The following PAK5 variants were observed in gnomAD, a reference collection of about 807,000 sequenced individuals.
The protein encoded by PAK5 is serine/threonine-protein kinase PAK 5.
In PAK5, 16 loss-of-function variants were observed where a neutral mutation model predicts 65.9. That is an observed-to-expected ratio of 0.24 (90% CI 0.16 to 0.37). The LOEUF is 0.37. Ranked by LOEUF, PAK5 falls within the 10% of genes least tolerant of loss-of-function variation. The pLI is 1.00. For synonymous variants in PAK5, 371 were observed against 354.9 expected (o/e 1.05, Z -0.51); for missense variants, 785 against 903.9 (o/e 0.87, Z 1.69).
chr20:9,568,743 G>C (rs2045725034), intron 4 of PAK5, among the ~76,000 whole-genome samples: 1 of 152,190 alleles, frequency 6.6e-6, no homozygotes, highest in Non-Finnish European at 1.5e-5. Flanking sequence ...AAAGCTGAAG[G>C]ATCACTTGAG....
chr20:9,572,151 C>T lies in PAK5; in HGVS notation c.991-5767G>A, dbSNP rs1030662900. Among the ~76,000 whole-genome samples, 13 of 146,482 alleles carry T rather than the reference C, an allele frequency of 8.9e-5. No individual in the cohort carries two copies. The East Asian group carries it at 1.2e-3, about 14-fold the overall frequency. The stretch of plus-strand genomic sequence containing the variant: ...AAAAAGAGTAGTCATCACAGCAAAA[C>T]GAGTTGATTATCTATGTACATCATT... On this transcript the variant is annotated intron_variant, in intron 4 of 9. Transcript: ENST00000353224.
chr20:9,709,400 C>T (rs2048050224), intron 2 of PAK5, among the ~76,000 whole-genome samples: 1 of 152,160 alleles, frequency 6.6e-6, no homozygotes, highest in African/African-American at 2.4e-5. Context: ...AAGTCTAAAA[C>T]CCCACCAGCA....
chr20:9,639,278 C>T (rs1247554682), intron 3 of PAK5, among the ~76,000 whole-genome samples: 1 of 152,136 alleles, frequency 6.6e-6, no homozygotes, highest in Non-Finnish European at 1.5e-5. Context: ...CTGGTAGTCA[C>T]AGGATTCTGT....
At chr20:9,793,613 T>C (rs2049073332) in intron 1 of PAK5, among the ~76,000 whole-genome samples, 1 of 152,010 alleles carries the variant, frequency 6.6e-6, no homozygotes, top group African/African-American at 2.4e-5. Context: ...TAAATGCAAA[T>C]CAAAATCATA....
At chr20:9,673,281 A>G (rs1179922626) in intron 2 of PAK5, among the ~76,000 whole-genome samples, 3 of 152,188 alleles carry the variant, frequency 2.0e-5, no homozygotes, top group Non-Finnish European at 4.4e-5. Context: ...AAAAAAAAAG[A>G]ATTAAAAAAG....
intron 3 of PAK5, among the ~76,000 whole-genome samples, chr20:9,639,725 T>C (rs1220373463): frequency 2.0e-5 from 3 of 152,230 alleles, no homozygotes; most frequent in Non-Finnish European, 4.4e-5. Context: ...CCCATACTAG[T>C]GAGTAAGAGA....
chr20:9,736,624 G>C (rs1451396604), intron 1 of PAK5, among the ~76,000 whole-genome samples: 1 of 152,162 alleles, frequency 6.6e-6, no homozygotes, highest in Non-Finnish European at 1.5e-5. Context: ...TTATCATGAA[G>C]GTTTCAAGAT....
intron 3 of PAK5, among the ~76,000 whole-genome samples, chr20:9,594,830 T>C (rs997851305): frequency 6.6e-6 from 1 of 152,180 alleles, no homozygotes; most frequent in Non-Finnish European, 1.5e-5. Flanking sequence ...AGCCCTAATT[T>C]TGGTCCACAA....
intron 4 of PAK5, among the ~76,000 whole-genome samples, chr20:9,571,874 T>TGGG (rs35328499): frequency 1.5e-4 from 6 of 39,360 alleles, no homozygotes; most frequent in South Asian, 1.7e-3. Context: ...GCATGAATGA[T>TGGG]GGGGGGGGGG....
In PAK5 at chr20:9,766,446, G is replaced by GAA. The variant is rs1569079274; in HGVS notation, c.-161-55012_-161-55011insTT. ...ATATATATTCAAGCAGAATATATAT[G>GAA]TATATATATATTCAAGCAGAATATA... On this transcript the variant is annotated intron_variant, in intron 1 of 9. Coordinates refer to ENST00000353224, the MANE Select transcript of PAK5 (RefSeq NM_177990.4). 1.2e-3 allele frequency among the ~76,000 whole-genome samples: 19 copies of GAA among 15,928 alleles called. 3 individuals carry two copies. The highest frequency in any genetic ancestry group is 5.7e-3 in the African/African-American group (14 of 2,458). The allele number at this position is 15,928 out of a possible 152,430, so 10.4% of individuals were successfully genotyped here. A position where few individuals can be genotyped will look rare whatever the true frequency, so the allele number is the denominator to read the frequency against.
chr20:9,697,165 T>G (rs545182570), intron 2 of PAK5, among the ~76,000 whole-genome samples: 1 of 152,230 alleles, frequency 6.6e-6, no homozygotes, highest in East Asian at 1.9e-4. Context: ...GTGCAGATTT[T>G]AAGGGAAGTT....
intron 1 of PAK5, among the ~76,000 whole-genome samples, chr20:9,767,055 T>C (rs1261074212): frequency 1.3e-5 from 2 of 152,112 alleles, no homozygotes; most frequent in Non-Finnish European, 2.9e-5. Context: ...TGAGGGTATA[T>C]ATTGACAGAC....
chr20:9,835,171 A>T (rs1979046425), intron 1 of PAK5, among the ~76,000 whole-genome samples: 1 of 152,212 alleles, frequency 6.6e-6, no homozygotes, highest in African/African-American at 2.4e-5. Flanking sequence ...TCGTTCCTTC[A>T]CTCATTCACC....
intron 2 of PAK5, among the ~76,000 whole-genome samples, chr20:9,660,355 C>G (rs778964997): frequency 6.9e-5 from 8 of 116,002 alleles, no homozygotes; most frequent in Admixed American, 1.0e-4. Flanking sequence ...TCTCTCTTCC[C>G]TTAGGGCTCT....
chr20:9,772,774 T>C (rs1457839095), intron 1 of PAK5, among the ~76,000 whole-genome samples: 2 of 152,218 alleles, frequency 1.3e-5, no homozygotes, highest in Non-Finnish European at 2.9e-5. Flanking sequence ...GCAGAGACTT[T>C]CCTCCTATTT....
chr20:9,752,533 T>C (rs921079032), intron 1 of PAK5, among the ~76,000 whole-genome samples: 1 of 152,102 alleles, frequency 6.6e-6, no homozygotes, highest in Non-Finnish European at 1.5e-5. Flanking sequence ...TTTAACGATA[T>C]GATAAATTTT....
chr20:9,735,964 T>C (rs2048384775), intron 1 of PAK5, among the ~76,000 whole-genome samples: 1 of 150,962 alleles, frequency 6.6e-6, no homozygotes, highest in African/African-American at 2.4e-5. Flanking sequence ...TGCAATGGCA[T>C]GATCTTGGCT....
intron 2 of PAK5, among the ~76,000 whole-genome samples, chr20:9,659,848 G>T (rs958249489): frequency 6.6e-6 from 1 of 152,130 alleles, no homozygotes; most frequent in African/African-American, 2.4e-5. Flanking sequence ...CTGTTGACAT[G>T]TCAGCTTCAA....
chr20:9,659,649 G>A (rs2047317118), intron 2 of PAK5, among the ~76,000 whole-genome samples: 1 of 152,110 alleles, frequency 6.6e-6, no homozygotes, highest in Non-Finnish European at 1.5e-5. Context: ...AAGGGAATTT[G>A]CTGTTACGAG....
Sources: allele counts gnomAD v4.1 joint callset (sites outside exome capture counted in the v4.1 genomes callset), GRCh38; gene constraint gnomAD v4.1.1; transcripts MANE v1.5; gene names NCBI Gene and HGNC (gene_info 2026-07-23, HGNC 2026-07-21).